Variants in GAP43 observed in about 807,000 individuals in gnomAD.
GAP43 encodes neuromodulin.
Under a neutral mutation model 18.6 loss-of-function variants are expected in GAP43, and 6 were observed. The ratio of observed to expected loss-of-function variants is 0.32; its 90% CI spans 0.18 to 0.64. The LOEUF (loss-of-function observed/expected upper bound fraction) is 0.64. Among genes scored for constraint, GAP43 ranks in the 30% least tolerant of loss-of-function variants. GAP43 has a pLI of 0.78. For missense variants in GAP43, 292 were observed against 295.5 expected, an observed-to-expected ratio of 0.99 and a Z score of 0.09; for synonymous variants, 115 against 111.4, an observed-to-expected ratio of 1.03 and a Z score of -0.20.
chr3:115,638,332 C>T (rs1016421796), intron 1 of GAP43, among the ~76,000 whole-genome samples: 20 of 152,056 alleles, frequency 1.3e-4, no homozygotes, highest in Non-Finnish European at 2.4e-4. Context: ...AACAACCATG[C>T]GCCTCTTGGT....
intron 1 of GAP43, among the ~76,000 whole-genome samples, chr3:115,664,303 TATCCCTGAAAC>T (rs1337998260): frequency 6.6e-6 from 1 of 151,798 alleles, no homozygotes; most frequent in Non-Finnish European, 1.5e-5. Flanking sequence ...TAAGTGTGCA[TATCCCTGAAAC>T]ATCCCTCTGT....
chr3:115,705,427 A>G (rs1709347826), intron 2 of GAP43, among the ~76,000 whole-genome samples: 1 of 152,200 alleles, frequency 6.6e-6, no homozygotes, highest in African/African-American at 2.4e-5. Flanking sequence ...TATAATAAGG[A>G]ATATTAACTC....
rs71141831 is a variant in GAP43 at position 115,652,356 on chromosome 3, C to CTTTTTTTTTTTTTTTTTTTTTTTTT, written c.31-23652_31-23628dup. On this transcript the variant is annotated intron_variant, in intron 1 of 2. Coordinates refer to ENST00000305124, the MANE Select transcript of GAP43 (RefSeq NM_002045.4). ...TTCCTGATGATTCTTATCCAGCATT[C>CTTTTTTTTTTTTTTTTTTTTTTTTT]TTTTTTTTTTTTTTTTTTTTTTTTT... 5.9e-4 allele frequency among the ~76,000 whole-genome samples: 26 copies of CTTTTTTTTTTTTTTTTTTTTTTTTT among 43,810 alleles called. 5 individuals are homozygous for CTTTTTTTTTTTTTTTTTTTTTTTTT. The highest frequency in any genetic ancestry group is 8.5e-4 in the Non-Finnish European group (21 of 24,662). 28.7% of individuals were successfully genotyped at this position (43,810 alleles called of 152,430 possible).
intron 2 of GAP43, among the ~76,000 whole-genome samples, chr3:115,693,854 T>C (rs1709147760): frequency 6.6e-6 from 1 of 152,160 alleles, no homozygotes; most frequent in Admixed American, 6.5e-5. Flanking sequence ...ACTTTTATTT[T>C]ATTTTATTTT....
Position 115,716,775 on chromosome 3 carries a change from G to C in GAP43, c.629-4019G>C, listed in dbSNP as rs1422650027. Among the ~76,000 whole-genome samples the C allele has an allele frequency of 1.1e-4, 14 of 124,980 alleles. No individual in the cohort carries two copies. The East Asian group carries it at 1.8e-3, about 16-fold the overall frequency. 82.0% of individuals were successfully genotyped at this position (124,980 alleles called of 152,430 possible). A position where few individuals can be genotyped will look rare whatever the true frequency, so the allele number is the denominator to read the frequency against. ...ATATATATATATATATATACAGAGA[G>C]AGAGAGAGAGAGAGAGTTTTATATG... is the stretch of plus-strand genomic sequence containing the variant. On this transcript the variant is annotated intron_variant, in intron 2 of 2. Transcript: ENST00000305124.
chr3:115,663,835 G>A, intron 1 of GAP43: 1 of 1,551,932 alleles, frequency 6.4e-7, no homozygotes, highest in Non-Finnish European at 8.7e-7. Flanking sequence ...TACCTTGCCT[G>A]GGAGGCTTGA....
At chr3:115,634,448 G>A (rs928371543) in intron 1 of GAP43, among the ~76,000 whole-genome samples, 1 of 151,912 alleles carries the variant, frequency 6.6e-6, no homozygotes, top group Admixed American at 6.6e-5. Context: ...TTTAATAGAG[G>A]CAATTGTCTC....
chr3:115,671,094 T>C (rs1708810512), intron 1 of GAP43, among the ~76,000 whole-genome samples: 1 of 152,234 alleles, frequency 6.6e-6, no homozygotes, highest in Non-Finnish European at 1.5e-5. Context: ...AAAAGTGAAA[T>C]GCATTGAGGT....
intron 1 of GAP43, among the ~76,000 whole-genome samples, chr3:115,672,483 A>G (rs1355321211): frequency 6.6e-6 from 1 of 152,218 alleles, no homozygotes; most frequent in Non-Finnish European, 1.5e-5. Flanking sequence ...TTTATACTGT[A>G]CTGTGAAAAG....
At position 115,676,279 on chromosome 3, in the gene GAP43, T is replaced by C; in HGVS notation, c.297T>C (p.Asp99=). The stretch of plus-strand genomic sequence containing the variant: ...CCCCAGCCACTGGCTCCAAGCCTGA[T>C]GAGCCCGGCAAAGCAGGAGAAACTC... ...EAAPATGSKP[D]EPGKAGETPS... Residue 99 remains aspartate (D), a synonymous_variant, in exon 2 of 3, where the codon GAT becomes GAC. Coordinates refer to ENST00000305124, the MANE Select transcript of GAP43 (RefSeq NM_002045.4). 6.2e-7 allele frequency: 1 copy of C among 1,614,124 alleles called. No individual in the cohort carries two copies. Among genetic ancestry groups the C allele is most frequent in the Non-Finnish European group, 8.5e-7 (1 of 1,180,014 alleles).
chr3:115,694,046 G>C (rs1709151189), intron 2 of GAP43, among the ~76,000 whole-genome samples: 1 of 152,088 alleles, frequency 6.6e-6, no homozygotes, highest in African/African-American at 2.4e-5. Context: ...GGCTGGCGGA[G>C]GGTGGAGGAG....
intron 2 of GAP43, among the ~76,000 whole-genome samples, chr3:115,701,084 G>A (rs1485960176): frequency 2.0e-5 from 3 of 152,082 alleles, no homozygotes; most frequent in Non-Finnish European, 4.4e-5. Flanking sequence ...ATTTGTTGGG[G>A]CAGCAACCAT....
intron 1 of GAP43, among the ~76,000 whole-genome samples, chr3:115,660,638 A>C (rs960418211): frequency 6.6e-6 from 1 of 152,270 alleles, no homozygotes; most frequent in Non-Finnish European, 1.5e-5. Context: ...ATATTCAAAA[A>C]GAACTGTAGA....
intron 1 of GAP43, among the ~76,000 whole-genome samples, chr3:115,660,760 G>T (rs1559794342): frequency 6.6e-6 from 1 of 152,216 alleles, no homozygotes; most frequent in Non-Finnish European, 1.5e-5. Flanking sequence ...CCTGGGCGGG[G>T]TGACAGTCTG....
At chr3:115,679,424 A>C (rs987334947) in intron 2 of GAP43, among the ~76,000 whole-genome samples, 1 of 151,982 alleles carries the variant, frequency 6.6e-6, no homozygotes, top group Non-Finnish European at 1.5e-5. Flanking sequence ...CATTGTTTTA[A>C]ATTCTCCAAG....
At chr3:115,706,995 G>T (rs182382135) in intron 2 of GAP43, among the ~76,000 whole-genome samples, 2 of 152,240 alleles carry the variant, frequency 1.3e-5, no homozygotes, top group East Asian at 3.9e-4. Context: ...TACTTATGAA[G>T]AAATGGAAAA....
intron 1 of GAP43, 91 bp downstream of exon 1, chr3:115,623,810 T>G (rs1708147555): frequency 1.5e-6 from 2 of 1,350,324 alleles, no homozygotes; most frequent in African/African-American, 1.4e-5. Context: ...TTACTGCTTC[T>G]GCTCTGGCCG....
chr3:115,649,297 C>G (rs115467672), intron 1 of GAP43, among the ~76,000 whole-genome samples: 2,890 of 152,164 alleles, frequency 0.019, 92 homozygotes, highest in African/African-American at 0.065. Flanking sequence ...GCTGAGACCT[C>G]TTGACCTAAT....
At chr3:115,638,750 A>C (rs993403255) in intron 1 of GAP43, among the ~76,000 whole-genome samples, 1 of 151,630 alleles carries the variant, frequency 6.6e-6, no homozygotes, top group African/African-American at 2.4e-5. Flanking sequence ...CCTTTTCTAC[A>C]TGACACATTT....
Sources: gnomAD v4.1 joint callset for allele counts (sites outside exome capture counted in the v4.1 genomes callset) on GRCh38, gnomAD v4.1.1 for gene constraint, MANE v1.5 for transcripts, NCBI Gene and HGNC (gene_info 2026-07-23, HGNC 2026-07-21) for gene names.